The following GRK6 variants were observed in gnomAD, a reference collection of about 807,000 sequenced individuals.
GRK6 encodes the protein G protein-coupled receptor kinase 6.
Under a neutral mutation model 80.8 loss-of-function variants are expected in GRK6, and 37 were observed. The observed-to-expected ratio is 0.46, with a 90% CI of 0.35 to 0.60. The LOEUF is 0.60. Among genes scored for constraint, GRK6 ranks in the 20% least tolerant of loss-of-function variants. GRK6 has a pLI of 0.00. For synonymous variants in GRK6, 295 were observed against 320.9 expected (o/e 0.92, Z 0.86); for missense variants, 560 against 784.6 (o/e 0.71, Z 3.42).
In GRK6 at chr5:177,432,005, T is replaced by C; in HGVS notation, c.159T>C (p.Tyr53=). The change falls in exon 3 of 16, where the codon TAT becomes TAC. Residue 53 remains tyrosine, a synonymous_variant. Transcript: ENST00000355472. ...EELRLSLERD[Y]HSLCERQPIG... ...CATCACTGCCAACAGAGCGTGACTA[T>C]CACAGCCTGTGCGAGCGGCAGCCCA... The C allele has an allele frequency of 6.2e-7, 1 of 1,613,232 alleles. No homozygotes were observed. The highest frequency in any genetic ancestry group is 1.1e-5 in the South Asian group (1 of 91,082).
intron 13 of GRK6, among the ~76,000 whole-genome samples, chr5:177,437,865 G>A (rs370558511): frequency 2.0e-5 from 3 of 152,234 alleles, no homozygotes; most frequent in East Asian, 1.9e-4. Context: ...GGAGAGGCCC[G>A]AAGGATGGGC....
intron 1 of GRK6, 106 bp downstream of exon 1, chr5:177,427,003 C>T: frequency 1.5e-6 from 1 of 655,318 alleles, no homozygotes; most frequent in Non-Finnish European, 2.1e-6. Flanking sequence ...GGCCCGCGGG[C>T]CCTGCGCCTT....
At chr5:177,433,079 G>A in intron 5 of GRK6, 68 bp from the exon 6 acceptor site, 1 of 1,382,000 alleles carries the variant, frequency 7.2e-7, no homozygotes, top group Non-Finnish European at 1.0e-6. Context: ...GGGAGGCCTG[G>A]CCCAGCAAGC....
intron 3 of GRK6, 59 bp from the exon 4 acceptor site, chr5:177,432,174 C>A (rs1763930563): frequency 3.1e-6 from 5 of 1,610,364 alleles, no homozygotes; most frequent in Non-Finnish European, 1.7e-6. Flanking sequence ...TGCCCCTCCT[C>A]CCCACACCTG....
Position 177,430,881 on chromosome 5 carries a change from GA to G in GRK6, c.65del (p.Asn22IlefsTer56). 2 of 1,614,062 alleles carry G rather than the reference GA, an allele frequency of 1.2e-6. No homozygotes were observed. The highest frequency in any genetic ancestry group is 1.7e-6 in the Non-Finnish European group (2 of 1,179,974). ...VLLKAREGGG[G>X]NRKGKSKKWR... ...CCTATTGCTCCCACAGGTGGCGGTG[GA>G]AATCGCAAAGGCAAAAGCAAGAAAT... is the stretch of plus-strand genomic sequence containing the variant. On this transcript the variant is annotated frameshift_variant, in exon 2 of 16. Transcript: ENST00000355472. LOFTEE classifies it high-confidence loss of function.
Position 177,440,626 on chromosome 5 carries a change from C to T in GRK6, c.1405-74C>T, listed in dbSNP as rs1350319949. 3.8e-6 allele frequency: 6 copies of T among 1,569,334 alleles called. No homozygotes were observed. In the African/African-American group the frequency reaches 8.1e-5, roughly 21 times the overall value. On this transcript the variant is annotated intron_variant, in intron 13 of 15. Transcript: ENST00000355472. ...GGCAGCACTAGGCCAAGACCCGAGG[C>T]AGAATCAGGGCTGAGCTGCCTTCGC...
At position 177,433,392 on chromosome 5, in the gene GRK6, C is replaced by A; in HGVS notation, c.579C>A (p.Gly193=). ...CCTTCAGGCAATACCGAGTCCTGGG[C>A]AAAGGTGGCTTTGGGGAGGTGAGTG... ...KNTFRQYRVL[G]KGGFGEVCAC... The change falls in exon 7 of 16, where the codon GGC becomes GGA. Residue 193 remains glycine (G), a synonymous_variant. Coordinates refer to ENST00000355472, the MANE Select transcript of GRK6 (RefSeq NM_001004106.3). 2.5e-6 allele frequency: 4 copies of A among 1,613,750 alleles called. No individual in the cohort carries two copies. Among genetic ancestry groups the A allele is most frequent in the Non-Finnish European group, 3.4e-6 (4 of 1,179,790 alleles).
At chr5:177,435,271 A>G (rs1581682639) in intron 11 of GRK6, 150 bp downstream of exon 11, 1 of 615,284 alleles carries the variant, frequency 1.6e-6, no homozygotes, top group African/African-American at 1.8e-5. Context: ...AGGTTAGGAG[A>G]CCAAGACTCA....
chr5:177,430,876 C>T lies in GRK6; in HGVS notation c.57C>T (p.Gly19=), dbSNP rs373947875. The T allele has an allele frequency of 1.2e-5, 19 of 1,613,702 alleles. No homozygotes were observed. The highest frequency in any genetic ancestry group is 2.2e-5 in the East Asian group (1 of 44,894). The change falls in exon 2 of 16, where the codon GGC becomes GGT. Residue 19 remains glycine, a synonymous_variant. Coordinates refer to ENST00000355472, the MANE Select transcript of GRK6 (RefSeq NM_001004106.3). ...NTVLLKAREG[G]GGNRKGKSKK... is the part of the protein sequence containing the mutation. ...AGTGTCCTATTGCTCCCACAGGTGG[C>T]GGTGGAAATCGCAAAGGCAAAAGCA...
Position 177,431,058 on chromosome 5 carries a change from G to A in GRK6, c.148+91G>A. 3 of 986,170 alleles carry A rather than the reference G, an allele frequency of 3.0e-6. No individual in the cohort carries two copies. The East Asian group carries it at 7.8e-5, about 26-fold the overall frequency. The allele number at this position is 986,170 out of a possible 1,614,324, so 61.1% of individuals were successfully genotyped here. A position where few individuals can be genotyped will look rare whatever the true frequency, so the allele number is the denominator to read the frequency against. On this transcript the variant is annotated intron_variant, in intron 2 of 15. Transcript: ENST00000355472. ...CCTGAGACCTTGCCCCGGAGCAGAGGGGCAGACTTGGGGGCTCCAGTGAGC... is the reference window on the plus strand; with the variant it reads ...CCTGAGACCTTGCCCCGGAGCAGAGAGGCAGACTTGGGGGCTCCAGTGAGC...
intron 8 of GRK6, 89 bp downstream of exon 8, chr5:177,433,765 A>G: frequency 6.4e-7 from 1 of 1,551,202 alleles, no homozygotes; most frequent in African/African-American, 1.4e-5. Flanking sequence ...CCCATGTGGG[A>G]TGCCAGGAAG....
At chr5:177,439,226 A>G (rs1004792765) in intron 13 of GRK6, among the ~76,000 whole-genome samples, 1 of 152,174 alleles carries the variant, frequency 6.6e-6, no homozygotes, top group Non-Finnish European at 1.5e-5. Context: ...TTTATATACC[A>G]TACAATTCAC....
At chr5:177,438,018 CCAAA>C (rs1274283367) in intron 13 of GRK6, among the ~76,000 whole-genome samples, 1 of 152,186 alleles carries the variant, frequency 6.6e-6, no homozygotes, top group Non-Finnish European at 1.5e-5. Context: ...GGAGACACAC[CCAAA>C]CAAACCCGTA....
intron 8 of GRK6, 111 bp from the exon 9 acceptor site, chr5:177,433,802 CT>C: frequency 6.6e-7 from 1 of 1,510,528 alleles, no homozygotes; most frequent in Non-Finnish European, 8.9e-7. Flanking sequence ...TGACACCAGG[CT>C]TGGGGAGCAG....
chr5:177,441,081 C>T (rs1470135194), intron 15 of GRK6, 28 bp downstream of exon 15: 2 of 1,610,504 alleles, frequency 1.2e-6, no homozygotes, highest in Non-Finnish European at 1.7e-6. Flanking sequence ...CCTACCTGGG[C>T]CCCTAACCTG....
Position 177,442,051 on chromosome 5 carries a change from G to A in GRK6, c.*261G>A, listed in dbSNP as rs992715447. The A allele has an allele frequency of 2.3e-5, 12 of 531,598 alleles. No individual in the cohort carries two copies. Among genetic ancestry groups the A allele is most frequent in the Admixed American group, 1.5e-4 (4 of 27,564 alleles). 32.9% of individuals were successfully genotyped at this position (531,598 alleles called of 1,614,324 possible). A position where few individuals can be genotyped will look rare whatever the true frequency, so the allele number is the denominator to read the frequency against. ...GCTTTCTGTATTTATGTATTTGTAC[G>A]AATGTATATAGCGACCAGAGCATTC... On this transcript the variant is annotated 3_prime_UTR_variant, in exon 16 of 16. Coordinates refer to ENST00000355472, the MANE Select transcript of GRK6 (RefSeq NM_001004106.3).
chr5:177,437,864 C>G (rs73804344), intron 13 of GRK6, among the ~76,000 whole-genome samples: 1 of 152,200 alleles, frequency 6.6e-6, no homozygotes, highest in African/African-American at 2.4e-5. Context: ...TGGAGAGGCC[C>G]GAAGGATGGG....
chr5:177,434,039 C>G lies in GRK6; in HGVS notation c.864C>G (p.Ala288=). 6.2e-7 allele frequency: 1 copy of G among 1,611,218 alleles called. No individual in the cohort carries two copies. The highest frequency in any genetic ancestry group is 8.5e-7 in the Non-Finnish European group (1 of 1,179,228). Residue 288 remains alanine, a synonymous_variant, in exon 9 of 16, where the codon GCC becomes GCG. Coordinates refer to ENST00000355472, the MANE Select transcript of GRK6 (RefSeq NM_001004106.3). Reference sequence around the variant, plus strand: ...AGGCTGGCTTCCCCGAAGCGCGGGCCGTCTTCTACGCCGCCGAGATCTGCT... The same window carrying G: ...AGGCTGGCTTCCCCGAAGCGCGGGCGGTCTTCTACGCCGCCGAGATCTGCT... ...MGQAGFPEAR[A]VFYAAEICCG...
chr5:177,440,748 A>G lies in GRK6; in HGVS notation c.1453A>G (p.Thr485Ala), dbSNP rs1764441643. The part of the protein sequence containing the change: ...KDVLDIEQFS[T>A]VKGVELEPTD... ...TGTTCTGGACATTGAACAGTTCTCT[A>G]CGGTCAAGGGCGTGGAGCTGGAGCC... Residue 485 changes from threonine (T) to alanine (A), a missense_variant, in exon 14 of 16, where the codon ACG becomes GCG. Thr to Ala is a moderately conservative substitution (Grantham distance 58). Coordinates refer to ENST00000355472, the MANE Select transcript of GRK6 (RefSeq NM_001004106.3). The G allele has an allele frequency of 1.2e-6, 2 of 1,614,184 alleles. No homozygotes were observed. The highest frequency in any genetic ancestry group is 1.1e-5 in the South Asian group (1 of 91,086).
Sources: allele counts gnomAD v4.1 joint callset (sites outside exome capture counted in the v4.1 genomes callset), GRCh38; gene constraint gnomAD v4.1.1; transcripts MANE v1.5; gene names NCBI Gene and HGNC (gene_info 2026-07-23, HGNC 2026-07-21).